The following ANKRD30A variants were observed in gnomAD, a reference collection of about 807,000 sequenced individuals.
The protein encoded by ANKRD30A is ankyrin repeat domain 30A.
ANKRD30A carries 170 observed loss-of-function variants against 166.3 expected under a neutral mutation model. The ratio of observed to expected loss-of-function variants is 1.02; its 90% CI spans 0.90 to 1.16. The LOEUF (loss-of-function observed/expected upper bound fraction) is 1.16. ANKRD30A is among the 50% of genes most tolerant of loss of function. ANKRD30A has a pLI of 0.00. For synonymous variants in ANKRD30A, 564 were observed against 508.9 expected (o/e 1.11, Z -1.46); for missense variants, 1,630 against 1,518.0 (o/e 1.07, Z -1.23).
rs375750519 is a variant in ANKRD30A at position 37,166,926 on chromosome 10, G to A, written c.2155+231G>A. On this transcript the variant is annotated intron_variant, in intron 19 of 35. Transcript: ENST00000361713. ...GTTTGAATTCAAGATATTCCAAGAC[G>A]TGAGGAAAATGAGAAAATAAGAAAG... Among the ~76,000 whole-genome samples the A allele has an allele frequency of 1.6e-4, 25 of 152,158 alleles. 1 individual carries two copies. In the East Asian group the frequency reaches 4.1e-3, roughly 25 times the overall value.
chr10:37,262,459 T>C, the ANKRD30A span: 5 of 155,260 alleles, frequency 3.2e-5, no homozygotes, highest in South Asian at 1.0e-3. Context: ...TAATGTTTTT[T>C]CAAACTCTTC....
chr10:37,219,768 T>G lies in ANKRD30A; in HGVS notation c.4056T>G (p.Ile1352Met). The G allele has an allele frequency of 1.2e-6, 2 of 1,608,346 alleles. No individual in the cohort carries two copies. Among genetic ancestry groups the G allele is most frequent in the South Asian group, 2.2e-5 (2 of 90,786 alleles). Residue 1352 changes from isoleucine to methionine, a missense_variant, in exon 34 of 36, where the codon ATT becomes ATG. Physicochemically the swap from Ile to Met is conservative, Grantham distance 10 (BLOSUM62 1). This residue lies in a region of ANKRD30A where 712 missense variants were observed against 629.3 expected (regional missense o/e 1.13). Coordinates refer to ENST00000361713, the MANE Select transcript of ANKRD30A (RefSeq NM_052997.3). ...CTGACAACAAAAGCAAGATAACAAT[T>G]GATATTCATTTTCTTGAGAGGAAAA... ...KKADNKSKITIDIHFLERKMQ... is the reference protein window; with the variant it reads ...KKADNKSKITMDIHFLERKMQ...
intron 34 of ANKRD30A, among the ~76,000 whole-genome samples, chr10:37,221,439 G>A (rs897183167): frequency 5.3e-5 from 8 of 151,094 alleles, no homozygotes; most frequent in Admixed American, 3.3e-4. Context: ...TGAGATACAG[G>A]ATTTAATGAA....
intron 31 of ANKRD30A, among the ~76,000 whole-genome samples, chr10:37,208,171 T>G (rs1842090217): frequency 6.6e-6 from 1 of 152,090 alleles, no homozygotes. Flanking sequence ...GATGCTGCAT[T>G]TTCTCTTTCC....
At chr10:37,148,014 C>T (rs2132548596) in intron 9 of ANKRD30A, among the ~76,000 whole-genome samples, 1 of 152,148 alleles carries the variant, frequency 6.6e-6, no homozygotes. Context: ...TGAGTATTAA[C>T]AAAAATGCAT....
At chr10:37,182,835 GT>G (rs1156407768) in intron 24 of ANKRD30A, among the ~76,000 whole-genome samples, 3 of 149,018 alleles carry the variant, frequency 2.0e-5, no homozygotes, top group Non-Finnish European at 4.5e-5. Context: ...TGACCTTGTG[GT>G]CCGCCCGTCT....
intron 27 of ANKRD30A, among the ~76,000 whole-genome samples, chr10:37,196,283 G>A (rs1841098766): frequency 6.6e-6 from 1 of 152,048 alleles, no homozygotes; most frequent in East Asian, 1.9e-4. Flanking sequence ...GGAAGCAGGA[G>A]TCCTACTAGA....
intron 5 of ANKRD30A, chr10:37,135,201 T>TTTATA (rs1352699008): frequency 4.6e-5 from 7 of 152,220 alleles, no homozygotes; most frequent in Non-Finnish European, 1.0e-4. Context: ...GCCTCATCCA[T>TTTATA]CATTGATCAG....
rs1462781389 is a variant in ANKRD30A, at chr10:37,142,049, A to G, written c.1152A>G (p.Ala384=). 1.9e-6 allele frequency: 3 copies of G among 1,607,542 alleles called. No homozygotes were observed. The highest frequency in any genetic ancestry group is 2.5e-6 in the Non-Finnish European group (3 of 1,177,556). ...CAAAAGGAAGACCTAGGAAGATCGC[A>G]TGGGAGAAAAAAGAAGACACACCTA... The part of the protein sequence containing the change: ...WPAKGRPRKI[A]WEKKEDTPRE... The change falls in exon 7 of 36, where the codon GCA becomes GCG. Residue 384 remains alanine, a synonymous_variant. Coordinates refer to ENST00000361713, the MANE Select transcript of ANKRD30A (RefSeq NM_052997.3).
chr10:37,137,007 AG>A (rs1836744186), intron 6 of ANKRD30A, among the ~76,000 whole-genome samples: 1 of 151,940 alleles, frequency 6.6e-6, no homozygotes, highest in African/African-American at 2.4e-5. Flanking sequence ...GCAAGTTTTA[AG>A]TTTGTATATT....
At chr10:37,254,464 C>T in the ANKRD30A span, among the ~76,000 whole-genome samples, 3 of 152,210 alleles carry the variant, frequency 2.0e-5, no homozygotes, top group South Asian at 6.2e-4. Flanking sequence ...TTCTTGATGG[C>T]TGGTGATCTT....
At chr10:37,156,271 C>T (rs902653562) in intron 13 of ANKRD30A, among the ~76,000 whole-genome samples, 1 of 152,044 alleles carries the variant, frequency 6.6e-6, no homozygotes, top group Non-Finnish European at 1.5e-5. Flanking sequence ...TACAGCCATA[C>T]ATTTCAATAG....
At chr10:37,164,576 C>T (rs185614240) in intron 17 of ANKRD30A, among the ~76,000 whole-genome samples, 1 of 152,218 alleles carries the variant, frequency 6.6e-6, no homozygotes, top group Admixed American at 6.5e-5. Context: ...AATACACTGT[C>T]ATAGCATACG....
In ANKRD30A at chr10:37,125,701, G is replaced by C. The variant is rs1286021897; in HGVS notation, c.-87G>C. 3.7e-6 allele frequency: 2 copies of C among 538,026 alleles called. No individual in the cohort carries two copies. Among genetic ancestry groups the C allele is most frequent in the African/African-American group, 3.8e-5 (2 of 52,268 alleles). The allele number at this position is 538,026 out of a possible 1,614,324, so 33.3% of individuals were successfully genotyped here. On this transcript the variant is annotated 5_prime_UTR_variant, in exon 1 of 36. Transcript: ENST00000361713. The stretch of plus-strand genomic sequence containing the variant: ...CGAGGCGGTGCGTGGACTGAAGAAG[G>C]GCGAGGGCGATTGGGGAGGGGTGGG...
Position 37,166,637 on chromosome 10 carries a change from G to T in ANKRD30A, c.2097G>T (p.Val699=). The change falls in exon 19 of 36, where the codon GTG becomes GTT. Residue 699 remains valine (V), a synonymous_variant. Coordinates refer to ENST00000361713, the MANE Select transcript of ANKRD30A (RefSeq NM_052997.3). The stretch of plus-strand genomic sequence containing the variant: ...GTGAGACTGTTTCACAGAAGGATGT[G>T]TGTTTACCCAAGGCTGCGCATCAAA... The part of the protein sequence containing the change: ...SLCETVSQKD[V]CLPKAAHQKE... The T allele has an allele frequency of 6.3e-7, 1 of 1,599,290 alleles. No individual in the cohort carries two copies. The highest frequency in any genetic ancestry group is 2.2e-5 in the East Asian group (1 of 44,790).
downstream of ANKRD30A, among the ~76,000 whole-genome samples, chr10:37,234,553 G>A (rs907051429): frequency 6.6e-6 from 1 of 151,988 alleles, no homozygotes; most frequent in Non-Finnish European, 1.5e-5. Flanking sequence ...AAATGTTTGA[G>A]ATGGATGTCT....
chr10:37,158,261 C>A, intron 13 of ANKRD30A, 131 bp from the exon 14 acceptor site: 2 of 1,404,578 alleles, frequency 1.4e-6, no homozygotes, highest in Non-Finnish European at 1.9e-6. Context: ...ACCCAAAAGA[C>A]CCCAAAACAT....
At position 37,219,976 on chromosome 10, in the gene ANKRD30A, T is replaced by G. The variant is rs1439815904; in HGVS notation, c.4185+79T>G. 6.8e-6 allele frequency: 3 copies of G among 439,998 alleles called. No homozygotes were observed. In the South Asian group the frequency reaches 1.1e-4, roughly 15 times the overall value. 27.3% of individuals were successfully genotyped at this position (439,998 alleles called of 1,614,324 possible). On this transcript the variant is annotated intron_variant, in intron 34 of 35. Transcript: ENST00000361713. ...GTCATATTTGGCCTTGGCTAAATGC[T>G]GAATCTAGTTGAATATATATATATA...
intron 13 of ANKRD30A, among the ~76,000 whole-genome samples, chr10:37,154,413 G>T (rs766383918): frequency 1.3e-5 from 2 of 152,140 alleles, no homozygotes; most frequent in East Asian, 1.9e-4. Context: ...CCTTGCTCTG[G>T]GTAGCAAGAG....
Sources: gnomAD v4.1 joint callset for allele counts (sites outside exome capture counted in the v4.1 genomes callset) on GRCh38, gnomAD v4.1.1 for gene constraint, gnomAD v4.1.1 regional missense constraint, MANE v1.5 for transcripts, NCBI Gene and HGNC (gene_info 2026-07-23, HGNC 2026-07-21) for gene names.